The following CDYL2 variants were observed in gnomAD, a reference collection of about 807,000 sequenced individuals.
CDYL2 encodes the protein chromodomain Y-like protein 2.
A neutral mutation model predicts 49.4 loss-of-function variants in CDYL2; 23 were observed. That is an observed-to-expected ratio of 0.47 (90% CI 0.34 to 0.66). The LOEUF (loss-of-function observed/expected upper bound fraction) is 0.66. Among genes scored for constraint, CDYL2 ranks in the 30% least tolerant of loss-of-function variants. The pLI, the probability that CDYL2 is intolerant of heterozygous loss-of-function variation, is 0.01. For missense variants in CDYL2, 678 were observed against 656.4 expected (o/e 1.03, Z -0.36); for synonymous variants, 360 against 268.8 (o/e 1.34, Z -3.32).
rs1158760685 is a variant in CDYL2 at position 80,741,882 on chromosome 16, G to A, written c.25-56753C>T. ...TGAAGGACAATTTGGCAACGCCCATGAAAAACCTTTGAAAGAGTTACATGT... is the reference window on the plus strand; with the variant it reads ...TGAAGGACAATTTGGCAACGCCCATAAAAAACCTTTGAAAGAGTTACATGT... On this transcript the variant is annotated intron_variant, in intron 1 of 6. Transcript: ENST00000570137. Among the ~76,000 whole-genome samples, 3 of 152,196 alleles carry A rather than the reference G, an allele frequency of 2.0e-5. No individual in the cohort carries two copies. In the East Asian group the frequency reaches 5.8e-4, roughly 29 times the overall value.
intron 1 of CDYL2, among the ~76,000 whole-genome samples, chr16:80,795,417 G>A (rs1015023960): frequency 6.6e-6 from 1 of 152,212 alleles, no homozygotes; most frequent in African/African-American, 2.4e-5. Context: ...AAATGGCCCT[G>A]CAAGCCTTCT....
intron 1 of CDYL2, among the ~76,000 whole-genome samples, chr16:80,757,427 C>T (rs1009681411): frequency 6.6e-6 from 1 of 151,490 alleles, no homozygotes. Context: ...GTAGTACTAG[C>T]TGCTCAGGAG....
intron 1 of CDYL2, among the ~76,000 whole-genome samples, chr16:80,709,557 A>AATAGACAC (rs1239727759): frequency 8.8e-4 from 107 of 121,886 alleles, no homozygotes; most frequent in African/African-American, 3.3e-3. Flanking sequence ...TGCAGGAATA[A>AATAGACAC]ACAGACACAC....
At chr16:80,646,112 G>A (rs1286135369) in intron 2 of CDYL2, among the ~76,000 whole-genome samples, 4 of 151,658 alleles carry the variant, frequency 2.6e-5, no homozygotes. Context: ...TGCACGTTGT[G>A]TACATGTACC....
At chr16:80,642,738 A>C (rs1169016135) in intron 2 of CDYL2, among the ~76,000 whole-genome samples, 2 of 152,114 alleles carry the variant, frequency 1.3e-5, no homozygotes, top group Admixed American at 6.5e-5. Flanking sequence ...CCTTGATAAA[A>C]CCATCAGATC....
chr16:80,721,084 A>G (rs1904982593), intron 1 of CDYL2, among the ~76,000 whole-genome samples: 1 of 152,172 alleles, frequency 6.6e-6, no homozygotes, highest in Non-Finnish European at 1.5e-5. Context: ...CCCAGCAGTT[A>G]GGGGCTTCCT....
chr16:80,756,890 T>G (rs1191169192), intron 1 of CDYL2, among the ~76,000 whole-genome samples: 1 of 151,730 alleles, frequency 6.6e-6, no homozygotes, highest in Non-Finnish European at 1.5e-5. Context: ...ATTTCATTAA[T>G]TTTTCAAAGG....
chr16:80,604,354 A>T lies in CDYL2; in HGVS notation c.*34T>A. 2.7e-5 allele frequency: 43 copies of T among 1,612,938 alleles called. No homozygotes were observed. Among genetic ancestry groups the T allele is most frequent in the Non-Finnish European group, 3.6e-5 (43 of 1,179,522 alleles). On this transcript the variant is annotated 3_prime_UTR_variant, in exon 7 of 7. Coordinates refer to ENST00000570137, the MANE Select transcript of CDYL2 (RefSeq NM_152342.4). ...CTCTGGTTTCCGAAACACAGGGCAG[A>T]GCTGGAAGTTGGGGGCCCGTGAGCT...
intron 2 of CDYL2, among the ~76,000 whole-genome samples, chr16:80,635,557 T>A (rs1907781754): frequency 6.6e-6 from 1 of 152,018 alleles, no homozygotes; most frequent in African/African-American, 2.4e-5. Context: ...CTCAAGGAAA[T>A]AAGAGAGGAC....
chr16:80,693,038 G>C (rs993188331), intron 1 of CDYL2, among the ~76,000 whole-genome samples: 13 of 151,140 alleles, frequency 8.6e-5, no homozygotes, highest in African/African-American at 3.2e-4. Context: ...CAGGCATTAT[G>C]CTGAATGAAG....
chr16:80,617,669 G>A, intron 4 of CDYL2, among the ~76,000 whole-genome samples: 1 of 151,970 alleles, frequency 6.6e-6, no homozygotes, highest in Non-Finnish European at 1.5e-5. Context: ...CTAACCCCGG[G>A]AGCATCTGTC....
At chr16:80,794,714 C>T (rs1244394871) in intron 1 of CDYL2, among the ~76,000 whole-genome samples, 5 of 147,006 alleles carry the variant, frequency 3.4e-5, no homozygotes, top group African/African-American at 7.6e-5. Flanking sequence ...CAGGTTCAAG[C>T]GATTCTCCTG....
In CDYL2 at chr16:80,723,964, G is replaced by A. The variant is rs185967663; in HGVS notation, c.25-38835C>T. Among the ~76,000 whole-genome samples, 437 of 149,848 alleles carry A rather than the reference G, an allele frequency of 2.9e-3. 3 individuals are homozygous for A. The highest frequency in any genetic ancestry group is 0.01 in the African/African-American group (415 of 40,408). On this transcript the variant is annotated intron_variant, in intron 1 of 6. Coordinates refer to ENST00000570137, the MANE Select transcript of CDYL2 (RefSeq NM_152342.4). ...GAAGAGGAGAAAAAGGGGGGAGAAA[G>A]AGGAGGGAGAGAGAGGAAGAAGCAA...
intron 3 of CDYL2, among the ~76,000 whole-genome samples, chr16:80,624,008 G>A (rs569172052): frequency 2.6e-5 from 4 of 152,248 alleles, no homozygotes; most frequent in African/African-American, 4.8e-5. Context: ...TGAGGCCCAA[G>A]CATCATCCAG....
At chr16:80,719,979 T>C (rs1597097676) in intron 1 of CDYL2, among the ~76,000 whole-genome samples, 1 of 152,224 alleles carries the variant, frequency 6.6e-6, no homozygotes, top group African/African-American at 2.4e-5. Context: ...AAATCTATCA[T>C]TGATATTCCC....
At chr16:80,630,242 T>A (rs577079552) in intron 3 of CDYL2, among the ~76,000 whole-genome samples, 1 of 152,340 alleles carries the variant, frequency 6.6e-6, no homozygotes, top group East Asian at 1.9e-4. Context: ...CAACTGACAC[T>A]GATTAGGGCA....
At chr16:80,686,277 T>C (rs1910190689) in intron 1 of CDYL2, among the ~76,000 whole-genome samples, 1 of 152,186 alleles carries the variant, frequency 6.6e-6, no homozygotes, top group South Asian at 2.1e-4. Context: ...AACTGAAGGG[T>C]ATGTGAGGGT....
intron 1 of CDYL2, among the ~76,000 whole-genome samples, chr16:80,694,841 G>A (rs1375107588): frequency 6.6e-6 from 1 of 152,166 alleles, no homozygotes; most frequent in African/African-American, 2.4e-5. Context: ...GAAGATCTGA[G>A]AGTGCTAAAA....
intron 3 of CDYL2, among the ~76,000 whole-genome samples, chr16:80,625,187 G>A (rs1907247551): frequency 6.6e-6 from 1 of 152,214 alleles, no homozygotes; most frequent in Non-Finnish European, 1.5e-5. Context: ...TTAAAATCAA[G>A]TTGTCAGCAA....
Sources: allele counts gnomAD v4.1 joint callset (sites outside exome capture counted in the v4.1 genomes callset), GRCh38; gene constraint gnomAD v4.1.1; transcripts MANE v1.5; gene names NCBI Gene and HGNC (gene_info 2026-07-23, HGNC 2026-07-21).